Variants in SAMD5 observed in about 807,000 individuals in gnomAD.
SAMD5 encodes sterile alpha motif domain containing 5, also known as sterile alpha motif domain-containing protein 5.
A neutral mutation model predicts 11.3 loss-of-function variants in SAMD5; 13 were observed. The ratio of observed to expected loss-of-function variants is 1.15; its 90% CI spans 0.75 to 1.83. The LOEUF is 1.83. Ranked by LOEUF, SAMD5 falls within the 40% of genes most tolerant of loss-of-function variation. The probability of loss-of-function intolerance (pLI) is 0.00; values close to 1 mark genes in which losing one functional copy is unlikely to be tolerated. For missense variants in SAMD5, 255 were observed against 239.1 expected, an observed-to-expected ratio of 1.07 and a Z score of -0.44; for synonymous variants, 129 against 111.3, an observed-to-expected ratio of 1.16 and a Z score of -1.00.
chr6:147,652,606 CCTT>C (rs1790501451), intron 1 of SAMD5, among the ~76,000 whole-genome samples: 1 of 152,092 alleles, frequency 6.6e-6, no homozygotes, highest in African/African-American at 2.4e-5. Flanking sequence ...GGCCAAGTGG[CCTT>C]CTGGGGCTCC....
chr6:147,803,373 G>T, the SAMD5 span, among the ~76,000 whole-genome samples: 1 of 151,920 alleles, frequency 6.6e-6, no homozygotes, highest in Non-Finnish European at 1.5e-5. Context: ...GGCCATCGTC[G>T]TCTCTCACCT....
chr6:147,909,576 C>A, the SAMD5 span, among the ~76,000 whole-genome samples: 1 of 56,580 alleles, frequency 1.8e-5, no homozygotes, highest in Non-Finnish European at 3.1e-5. Context: ...TTCTTTCTTT[C>A]TTTCTTTCTT....
intron 1 of SAMD5, among the ~76,000 whole-genome samples, chr6:147,666,781 A>T (rs9497837): frequency 0.013 from 1,974 of 152,320 alleles, 38 homozygotes; most frequent in African/African-American, 0.045. Flanking sequence ...AGCCGGAAAA[A>T]GTCCATAGCA....
chr6:147,717,171 G>C, intron 1 of SAMD5, among the ~76,000 whole-genome samples: 1 of 152,156 alleles, frequency 6.6e-6, no homozygotes, highest in East Asian at 1.9e-4. Context: ...CAGTACCTAG[G>C]CTAAAGTAGA....
At chr6:147,904,958 G>A in the SAMD5 span, among the ~76,000 whole-genome samples, 1 of 147,936 alleles carries the variant, frequency 6.8e-6, no homozygotes, top group Admixed American at 6.8e-5. Context: ...GTGCGATCTC[G>A]GCTCACTGCA....
the SAMD5 span, among the ~76,000 whole-genome samples, chr6:147,778,174 G>A: frequency 0.18 from 27,859 of 152,014 alleles, 3,369 homozygotes; most frequent in African/African-American, 0.34. Context: ...TGGGGTTCTC[G>A]TCGTTAGTTC....
chr6:147,809,760 T>A, the SAMD5 span, among the ~76,000 whole-genome samples: 1 of 152,228 alleles, frequency 6.6e-6, no homozygotes, highest in Non-Finnish European at 1.5e-5. Flanking sequence ...TTGCCACTAT[T>A]GACATTTGTA....
At chr6:147,586,392 C>T (rs9390479) in intron 1 of SAMD5, among the ~76,000 whole-genome samples, 16,430 of 151,980 alleles carry the variant, frequency 0.11, 1,092 homozygotes, top group Admixed American at 0.16. Context: ...CCAAGTCTTA[C>T]GAAATTTTAC....
At chr6:147,573,863 G>C (rs988685009), downstream of SAMD5, among the ~76,000 whole-genome samples, 5 of 152,262 alleles carry the variant, frequency 3.3e-5, no homozygotes, top group African/African-American at 1.2e-4. Context: ...GGTGGCTCAC[G>C]CCTGTAATTC....
At chr6:147,918,932 C>T in the SAMD5 span, among the ~76,000 whole-genome samples, 2 of 152,034 alleles carry the variant, frequency 1.3e-5, no homozygotes, top group Non-Finnish European at 2.9e-5. Flanking sequence ...GTCTCAATCT[C>T]CTGACCTCGT....
At chr6:147,580,255 G>A (rs1373891386) in intron 1 of SAMD5, among the ~76,000 whole-genome samples, 1 of 152,204 alleles carries the variant, frequency 6.6e-6, no homozygotes, top group South Asian at 2.1e-4. Context: ...GAATGTTAAT[G>A]TCAAGGCCAG....
chr6:147,532,015 A>C (rs1788437930), intron 1 of SAMD5, among the ~76,000 whole-genome samples: 1 of 152,230 alleles, frequency 6.6e-6, no homozygotes, highest in South Asian at 2.1e-4. Flanking sequence ...CAAAAGAGAT[A>C]GTAAAACTAA....
chr6:147,578,393 C>T (rs1375662456), intron 1 of SAMD5, among the ~76,000 whole-genome samples: 2 of 152,048 alleles, frequency 1.3e-5, no homozygotes, highest in African/African-American at 2.4e-5. Context: ...AAGAGTGATC[C>T]TAAGTTACAA....
chr6:147,553,749 C>T (rs575792105), intron 1 of SAMD5, among the ~76,000 whole-genome samples: 1 of 152,262 alleles, frequency 6.6e-6, no homozygotes, highest in South Asian at 2.1e-4. Context: ...AGGTCAGTGT[C>T]TTGAGGGTTA....
intron 1 of SAMD5, among the ~76,000 whole-genome samples, chr6:147,645,191 GC>G (rs1790379638): frequency 2.0e-5 from 3 of 152,284 alleles, no homozygotes; most frequent in Non-Finnish European, 4.4e-5. Context: ...TTGAAGAAAT[GC>G]CACTAGCAGT....
Position 147,587,320 on chromosome 6 carries a change from C to T in SAMD5, c.162+77933C>T, listed in dbSNP as rs1037343712. On this transcript the variant is annotated intron_variant, in intron 1 of 1. Transcript: ENST00000566741. Reference sequence around the variant, plus strand: ...TGACGTGATGGCTGCTCACTGCAACCTCTGTCTCCCAGGTTCAAGTGGTTC... The same window carrying T: ...TGACGTGATGGCTGCTCACTGCAACTTCTGTCTCCCAGGTTCAAGTGGTTC... Among the ~76,000 whole-genome samples the T allele has an allele frequency of 3.9e-5, 6 of 152,276 alleles. No homozygotes were observed. The East Asian group carries it at 1.2e-3, about 29-fold the overall frequency.
the SAMD5 span, among the ~76,000 whole-genome samples, chr6:147,904,531 G>A: frequency 6.6e-6 from 1 of 152,104 alleles, no homozygotes; most frequent in East Asian, 1.9e-4. Context: ...TACAGTGTGG[G>A]TCTGTTTGTT....
the SAMD5 span, among the ~76,000 whole-genome samples, chr6:147,776,161 C>G: frequency 6.6e-6 from 1 of 152,154 alleles, no homozygotes; most frequent in African/African-American, 2.4e-5. Flanking sequence ...TTAACATGCT[C>G]TGAATCATTG....
the SAMD5 span, among the ~76,000 whole-genome samples, chr6:147,950,393 A>G: frequency 6.6e-6 from 1 of 152,240 alleles, no homozygotes; most frequent in East Asian, 1.9e-4. Context: ...GCTGGTTCAC[A>G]TGTGTGCACT....
Sources: gnomAD v4.1 joint callset for allele counts (sites outside exome capture counted in the v4.1 genomes callset) on GRCh38, gnomAD v4.1.1 for gene constraint, MANE v1.5 for transcripts, NCBI Gene and HGNC (gene_info 2026-07-23, HGNC 2026-07-21) for gene names.